The following PPAT variants were observed in gnomAD, a reference collection of about 807,000 sequenced individuals.
The protein encoded by PPAT is amidophosphoribosyltransferase.
PPAT carries 20 observed loss-of-function variants against 60.2 expected under a neutral mutation model. The observed-to-expected ratio is 0.33, with a 90% CI of 0.23 to 0.48. PPAT has a LOEUF of 0.48. Among genes scored for constraint, PPAT ranks in the 20% least tolerant of loss-of-function variants. The pLI is 0.99. For synonymous variants in PPAT, 194 were observed against 215.1 expected, an observed-to-expected ratio of 0.90 and a Z score of 0.86; for missense variants, 349 against 629.6, an observed-to-expected ratio of 0.55 and a Z score of 4.77.
chr4:56,425,440 A>G, intron 1 of PPAT: 1 of 922,598 alleles, frequency 1.1e-6, no homozygotes, highest in Non-Finnish European at 1.3e-6. Context: ...ATGTGAAAAA[A>G]GAAAGCTCAG....
chr4:56,415,930 C>T (rs1578126008), intron 1 of PPAT, among the ~76,000 whole-genome samples: 2 of 151,940 alleles, frequency 1.3e-5, no homozygotes, highest in African/African-American at 2.4e-5. Context: ...ATTAGCCGGG[C>T]GTGGTGGCAG....
At position 56,411,109 on chromosome 4, in the gene PPAT, T is replaced by C. The variant is rs544369668; in HGVS notation, c.129-3393A>G. 2.6e-5 allele frequency among the ~76,000 whole-genome samples: 4 copies of C among 152,178 alleles called. No homozygotes were observed. In the East Asian group the frequency reaches 5.8e-4, roughly 22 times the overall value. On this transcript the variant is annotated intron_variant, in intron 1 of 10. Coordinates refer to ENST00000264220, the MANE Select transcript of PPAT (RefSeq NM_002703.5). Reference sequence around the variant, plus strand: ...AAAAAGAGGTTAAATATTACCACTTTAAAAAAATCTGTAAAATACAGAAAA... The same window carrying C: ...AAAAAGAGGTTAAATATTACCACTTCAAAAAAATCTGTAAAATACAGAAAA...
intron 3 of PPAT, among the ~76,000 whole-genome samples, chr4:56,403,630 C>T (rs1212376306): frequency 6.6e-6 from 1 of 152,012 alleles, no homozygotes; most frequent in African/African-American, 2.4e-5. Flanking sequence ...ATGATTCAAG[C>T]GAATTACATT....
rs188759729 is a variant in PPAT at position 56,426,294 on chromosome 4, C to T, written c.128+9056G>A. ...CCGCGCACCTGTGGTCTCAGCTACT[C>T]GGGAGGCTGAGGCAGGAGAATCACT... On this transcript the variant is annotated intron_variant, in intron 1 of 10. Transcript: ENST00000264220. 2.6e-3 allele frequency among the ~76,000 whole-genome samples: 395 copies of T among 152,006 alleles called. 3 individuals carry two copies. Among genetic ancestry groups the T allele is most frequent in the African/African-American group, 9.1e-3 (378 of 41,480 alleles).
At chr4:56,420,270 C>G (rs1266107593) in intron 1 of PPAT, 1 of 152,282 alleles carries the variant, frequency 6.6e-6, no homozygotes, top group South Asian at 2.1e-4. Flanking sequence ...TAATTTTATG[C>G]AATATTCTTA....
At chr4:56,400,125 G>A (rs1415801507) in intron 8 of PPAT, 1 of 152,226 alleles carries the variant, frequency 6.6e-6, no homozygotes, top group East Asian at 1.9e-4. Flanking sequence ...TTATAGGTGG[G>A]TTTTCTTCCA....
rs1560636286 is a variant in PPAT at position 56,396,659 on chromosome 4, A to G, written c.1317T>C (p.Ile439=). The change falls in exon 10 of 11, where the codon ATT becomes ATC. Residue 439 remains isoleucine, a synonymous_variant. Transcript: ENST00000264220. This position sits in a 1 kb window ranked among gnomAD's most constrained non-coding sequence, Gnocchi z 4.6. ...GINIPTKEEL[I]ANKPEFDHLA... ...GGTGATCAAATTCTGGTTTATTGGCAATGAGCTCTTCTTTTGTAGGAATGT... is the reference window on the plus strand; with the variant it reads ...GGTGATCAAATTCTGGTTTATTGGCGATGAGCTCTTCTTTTGTAGGAATGT... The G allele has an allele frequency of 4.3e-6, 7 of 1,609,490 alleles. No homozygotes were observed. The highest frequency in any genetic ancestry group is 2.5e-6 in the Non-Finnish European group (3 of 1,176,792).
At chr4:56,403,483 A>T in intron 3 of PPAT, 82 bp from the exon 4 acceptor site, 2 of 1,064,398 alleles carry the variant, frequency 1.9e-6, no homozygotes, top group Middle Eastern at 2.1e-4. Context: ...CATAATGAAA[A>T]TAAGGCATTC....
At chr4:56,435,320 C>G in intron 1 of PPAT, 30 bp downstream of exon 1, 1 of 1,611,482 alleles carries the variant, frequency 6.2e-7, no homozygotes, top group Non-Finnish European at 8.5e-7. Flanking sequence ...TGGAGACGCA[C>G]GCCCCCGCCA....
intron 1 of PPAT, among the ~76,000 whole-genome samples, chr4:56,409,463 G>GAA (rs11463760): frequency 6.6e-6 from 1 of 151,694 alleles, no homozygotes; most frequent in Non-Finnish European, 1.5e-5. Context: ...TTTGCTATTA[G>GAA]AAAAAAAAAT....
chr4:56,398,880 T>A (rs1284440310), intron 9 of PPAT, among the ~76,000 whole-genome samples: 1 of 152,178 alleles, frequency 6.6e-6, no homozygotes, highest in Non-Finnish European at 1.5e-5. Context: ...CTCGAACTCC[T>A]GGGCTCAAGC....
At chr4:56,401,544 TATTA>T in intron 6 of PPAT, 63 bp from the exon 7 acceptor site, 1 of 1,387,374 alleles carries the variant, frequency 7.2e-7, no homozygotes, top group Non-Finnish European at 9.9e-7. Flanking sequence ...CTGATGAAAA[TATTA>T]ATTATAAAGC....
At chr4:56,403,238 G>A (rs569433397) in intron 4 of PPAT, 51 bp downstream of exon 4, 1 of 1,597,532 alleles carries the variant, frequency 6.3e-7, no homozygotes, top group East Asian at 2.2e-5. Flanking sequence ...ACATATGCAA[G>A]GCAAAACTCT....
At chr4:56,433,234 CAAG>C (rs1307548915) in intron 1 of PPAT, among the ~76,000 whole-genome samples, 4 of 151,634 alleles carry the variant, frequency 2.6e-5, no homozygotes, top group African/African-American at 9.7e-5. Context: ...TATGCCTACA[CAAG>C]AGAAATGTTA....
chr4:56,412,115 GT>G (rs1165144123), intron 1 of PPAT, among the ~76,000 whole-genome samples: 4 of 152,170 alleles, frequency 2.6e-5, no homozygotes, highest in African/African-American at 9.6e-5. Context: ...TTAACCAGGA[GT>G]TGGTCTGATG....
At chr4:56,425,313 A>G (rs1717233273) in intron 1 of PPAT, 1 of 183,862 alleles carries the variant, frequency 5.4e-6, no homozygotes, top group African/African-American at 2.4e-5. Context: ...TATTACATAA[A>G]TTAATGCACT....
intron 3 of PPAT, among the ~76,000 whole-genome samples, chr4:56,404,669 A>G (rs3796541): frequency 0.22 from 33,125 of 152,006 alleles, 4,059 homozygotes; most frequent in East Asian, 0.39. Context: ...CCATATTTAT[A>G]CTTTCATGAT....
At chr4:56,403,002 A>C (rs774606651) in intron 5 of PPAT, 38 bp downstream of exon 5, 2 of 1,538,198 alleles carry the variant, frequency 1.3e-6, no homozygotes, top group East Asian at 2.3e-5. Context: ...AATAATGGAA[A>C]AACACTATGA....
intron 1 of PPAT, among the ~76,000 whole-genome samples, chr4:56,426,415 A>G (rs907778757): frequency 6.6e-6 from 1 of 151,616 alleles, no homozygotes; most frequent in Non-Finnish European, 1.5e-5. Flanking sequence ...AAAAAAAAAG[A>G]AAGAAACCCC....
Sources: allele counts gnomAD v4.1 joint callset (sites outside exome capture counted in the v4.1 genomes callset), GRCh38; gene constraint gnomAD v4.1.1; non-coding constraint Gnocchi (gnomAD v3.1); transcripts MANE v1.5; gene names NCBI Gene and HGNC (gene_info 2026-07-23, HGNC 2026-07-21).